The following SPRY3 variants were observed in gnomAD, a reference collection of about 807,000 sequenced individuals.
SPRY3 encodes protein sprouty homolog 3.
A neutral mutation model predicts 20.2 loss-of-function variants in SPRY3; 15 were observed. That is an observed-to-expected ratio of 0.74 (90% CI 0.50 to 1.14). The LOEUF (loss-of-function observed/expected upper bound fraction) is 1.14, where lower values mean the gene tolerates loss of function less well. SPRY3 is among the 50% of genes most tolerant of loss of function. SPRY3 has a pLI of 0.00. For missense variants in SPRY3, 364 were observed against 363.9 expected (o/e 1.00, Z 0.00); for synonymous variants, 143 against 136.5 (o/e 1.05, Z -0.33).
intron 2 of SPRY3, among the ~76,000 whole-genome samples, chrX:155,678,118 T>C (rs997804637): frequency 9.0e-6 from 1 of 111,325 alleles, no homozygotes; most frequent in Non-Finnish European, 1.9e-5. Flanking sequence ...TACTGTCTTA[T>C]TGAATGAGAT....
chrX:155,743,311 C>T (rs1460706704), intron 2 of SPRY3, among the ~76,000 whole-genome samples: 1 of 152,030 alleles, frequency 6.6e-6, no homozygotes, highest in Non-Finnish European at 1.5e-5. Context: ...GAATTGGCTC[C>T]CCATGGCAGT....
chrX:155,700,639 A>T (rs2068134344), intron 2 of SPRY3, among the ~76,000 whole-genome samples: 22 of 55,977 alleles, frequency 3.9e-4, no homozygotes, highest in African/African-American at 9.2e-4. Flanking sequence ...TTTTTATTAT[A>T]CTCTAAGTTT....
intron 2 of SPRY3, among the ~76,000 whole-genome samples, chrX:155,765,478 C>G: frequency 6.6e-6 from 1 of 152,294 alleles, no homozygotes; most frequent in African/African-American, 2.4e-5. Flanking sequence ...CATAGAACAG[C>G]ACCTGGCAAA....
intron 2 of SPRY3, among the ~76,000 whole-genome samples, chrX:155,729,800 A>C (rs1027754635): frequency 9.2e-5 from 14 of 152,064 alleles, no homozygotes; most frequent in African/African-American, 3.1e-4. Flanking sequence ...AAAATTCACA[A>C]AACTTTAGAC....
At chrX:155,673,424 T>C (rs782215210) in intron 2 of SPRY3, among the ~76,000 whole-genome samples, 2 of 111,559 alleles carry the variant, frequency 1.8e-5, no homozygotes, top group Admixed American at 1.9e-4. Flanking sequence ...TTCTGTGAAA[T>C]GCATCTGTTG....
intron 2 of SPRY3, among the ~76,000 whole-genome samples, chrX:155,756,694 C>A (rs1431898291): frequency 1.3e-5 from 2 of 152,026 alleles, no homozygotes; most frequent in African/African-American, 4.8e-5. Flanking sequence ...GAAAGTTTTC[C>A]TTTTCCAACA....
At chrX:155,768,636 A>G (rs1200180765) in intron 3 of SPRY3, among the ~76,000 whole-genome samples, 2 of 152,120 alleles carry the variant, frequency 1.3e-5, no homozygotes, top group Non-Finnish European at 2.9e-5. Context: ...GACATGGCGC[A>G]AGCTGACACG....
exon 4 of SPRY3, chrX:155,774,873 G>C (rs2091413695): frequency 2.0e-6 from 2 of 1,001,694 alleles, no homozygotes; most frequent in African/African-American, 1.6e-5. Context: ...GCAGTGTCAG[G>C]GGAATGACCA....
chrX:155,705,376 A>G (rs1327058239), intron 2 of SPRY3, among the ~76,000 whole-genome samples: 2 of 151,416 alleles, frequency 1.3e-5, no homozygotes, highest in Non-Finnish European at 3.0e-5. Flanking sequence ...TTAAAATGTC[A>G]TTAAGAGAAG....
At chrX:155,769,362 C>A (rs913078013) in intron 3 of SPRY3, among the ~76,000 whole-genome samples, 1 of 151,912 alleles carries the variant, frequency 6.6e-6, no homozygotes, top group African/African-American at 2.4e-5. Context: ...ACCAACAAAC[C>A]CAACATAAAA....
intron 2 of SPRY3, among the ~76,000 whole-genome samples, chrX:155,690,505 C>A (rs1203079086): frequency 2.3e-5 from 2 of 87,823 alleles, no homozygotes; most frequent in Non-Finnish European, 4.3e-5. Flanking sequence ...AAAAATCTAC[C>A]AAGCAAATGG....
chrX:155,751,739 G>T (rs1485285873), intron 2 of SPRY3, among the ~76,000 whole-genome samples: 1 of 151,532 alleles, frequency 6.6e-6, no homozygotes, highest in African/African-American at 2.4e-5. Flanking sequence ...TACTAAAGGG[G>T]TGACTAGTGG....
intron 2 of SPRY3, among the ~76,000 whole-genome samples, chrX:155,726,961 G>C (rs1283806839): frequency 6.6e-6 from 1 of 152,110 alleles, no homozygotes; most frequent in Admixed American, 6.6e-5. Flanking sequence ...GCTGGTACTG[G>C]TTGTTCCTTT....
At chrX:155,772,149 T>C (rs1424850622) in intron 3 of SPRY3, among the ~76,000 whole-genome samples, 2 of 152,210 alleles carry the variant, frequency 1.3e-5, no homozygotes, top group East Asian at 3.8e-4. Flanking sequence ...AAGTGAAATT[T>C]TTGTCAGACT....
chrX:155,767,030 T>C (rs1412449785), intron 2 of SPRY3, among the ~76,000 whole-genome samples: 1 of 152,028 alleles, frequency 6.6e-6, no homozygotes, highest in African/African-American at 2.4e-5. Flanking sequence ...GCAAAGATAT[T>C]TAAATGAGAC....
intron 2 of SPRY3, among the ~76,000 whole-genome samples, chrX:155,700,516 G>A (rs1285002881): frequency 1.9e-5 from 2 of 105,448 alleles, no homozygotes; most frequent in Admixed American, 1.0e-4. Flanking sequence ...TAGCCAAAAG[G>A]TGGAAATAAT....
chrX:155,739,016 A>G (rs1237003600), intron 2 of SPRY3, among the ~76,000 whole-genome samples: 2 of 152,190 alleles, frequency 1.3e-5, no homozygotes, highest in Non-Finnish European at 2.9e-5. Context: ...AGATGGCCAG[A>G]GGCAGCAGGC....
At chrX:155,758,371 A>G (rs983792503) in intron 2 of SPRY3, among the ~76,000 whole-genome samples, 1 of 152,164 alleles carries the variant, frequency 6.6e-6, no homozygotes, top group Admixed American at 6.6e-5. Context: ...ACATAGAACC[A>G]CTTTGTCCCT....
intron 2 of SPRY3, among the ~76,000 whole-genome samples, chrX:155,736,188 T>G (rs1188980215): frequency 6.6e-6 from 1 of 152,022 alleles, no homozygotes; most frequent in African/African-American, 2.4e-5. Context: ...GCTCTTATTA[T>G]TTTGAACAAA....
Sources: allele counts gnomAD v4.1 joint callset (sites outside exome capture counted in the v4.1 genomes callset), GRCh38; gene constraint gnomAD v4.1.1; transcripts MANE v1.5; gene names NCBI Gene and HGNC (gene_info 2026-07-23, HGNC 2026-07-21).